PTPRZ1: variants seen among roughly 807,000 people sequenced by gnomAD.
PTPRZ1 encodes the protein protein tyrosine phosphatase receptor type Z1.
In PTPRZ1, 82 loss-of-function variants were observed where a neutral mutation model predicts 214.1. The observed-to-expected ratio is 0.38, with a 90% CI of 0.32 to 0.46. The LOEUF is 0.46. PTPRZ1 is among the 20% of genes least tolerant of loss of function. PTPRZ1 has a pLI of 1.00. For missense variants in PTPRZ1, 2,603 were observed against 2,748.7 expected (o/e 0.95, Z 1.19); for synonymous variants, 945 against 987.9 (o/e 0.96, Z 0.81).
In PTPRZ1 at chr7:122,011,032, A is replaced by G. The variant is rs768670668; in HGVS notation, c.1986A>G (p.Ala662=). 2.5e-6 allele frequency: 4 copies of G among 1,614,134 alleles called. No homozygotes were observed. Among genetic ancestry groups the G allele is most frequent in the Non-Finnish European group, 3.4e-6 (4 of 1,180,000 alleles). Residue 662 remains alanine, a synonymous_variant, in exon 12 of 30, where the codon GCA becomes GCG. Coordinates refer to ENST00000393386, the MANE Select transcript of PTPRZ1 (RefSeq NM_002851.3). ...TTCCTAGCTCTACAGACATAACAGC[A>G]CAGCCCGATGTTGGATCAGGCAGAG... ...VWFPSSTDIT[A]QPDVGSGRES...
chr7:122,005,346 A>T (rs1311962705), intron 11 of PTPRZ1, among the ~76,000 whole-genome samples: 2 of 151,946 alleles, frequency 1.3e-5, no homozygotes, highest in Non-Finnish European at 2.9e-5. Flanking sequence ...AACTGAAATT[A>T]TATATTCAGT....
At chr7:121,876,504 C>A (rs1332976530) in intron 1 of PTPRZ1, among the ~76,000 whole-genome samples, 2 of 152,126 alleles carry the variant, frequency 1.3e-5, no homozygotes, top group Non-Finnish European at 2.9e-5. Flanking sequence ...AAATTATACC[C>A]AACTCCTCTG....
intron 1 of PTPRZ1, among the ~76,000 whole-genome samples, chr7:121,900,399 T>TC (rs1348999759): frequency 1.3e-5 from 2 of 152,214 alleles, no homozygotes; most frequent in Non-Finnish European, 2.9e-5. Context: ...TTGATGTGCC[T>TC]CTTCTATTTA....
At chr7:122,000,650 T>TATTC (rs1798291024) in intron 10 of PTPRZ1, among the ~76,000 whole-genome samples, 1 of 5,000 alleles carries the variant, frequency 2.0e-4, no homozygotes, top group African/African-American at 6.1e-4. Flanking sequence ...AGATTTCATA[T>TATTC]ATATATATAT....
intron 2 of PTPRZ1, among the ~76,000 whole-genome samples, chr7:121,957,362 T>C (rs1796740246): frequency 6.6e-6 from 1 of 152,156 alleles, no homozygotes; most frequent in Non-Finnish European, 1.5e-5. Context: ...GGGTGTGGGA[T>C]GCAGCTGGGC....
rs1046897215 is a variant in PTPRZ1 at position 122,061,278 on chromosome 7, G to C, written c.*58G>C. ...CATTGTTTTCCTCTTCCTAAAATTAGGCAGGAAAATCAGTCTAGTTCTGTT... is the reference window on the plus strand; with the variant it reads ...CATTGTTTTCCTCTTCCTAAAATTACGCAGGAAAATCAGTCTAGTTCTGTT... On this transcript the variant is annotated 3_prime_UTR_variant, in exon 30 of 30. Transcript: ENST00000393386. 2.1e-6 allele frequency: 3 copies of C among 1,424,386 alleles called. No individual in the cohort carries two copies. The highest frequency in any genetic ancestry group is 2.8e-6 in the Non-Finnish European group (3 of 1,061,452). The allele number at this position is 1,424,386 out of a possible 1,614,324, so 88.2% of individuals were successfully genotyped here. A position where few individuals can be genotyped will look rare whatever the true frequency, so the allele number is the denominator to read the frequency against.
chr7:122,031,472 A>G lies in PTPRZ1; in HGVS notation c.5081-2A>G. 1 of 1,608,268 alleles carries G rather than the reference A, an allele frequency of 6.2e-7. No individual in the cohort carries two copies. Among genetic ancestry groups the G allele is most frequent in the Non-Finnish European group, 8.5e-7 (1 of 1,175,862 alleles). On this transcript the variant is annotated splice_acceptor_variant, in intron 14 of 29. Transcript: ENST00000393386. LOFTEE classifies it high-confidence loss of function. ...TCTAACACAATTTTTTTATTCACGT[A>G]GATGATGTCGGAGCAATTCCAATAA...
chr7:121,925,191 C>CT (rs900349048), intron 1 of PTPRZ1, among the ~76,000 whole-genome samples: 1 of 152,156 alleles, frequency 6.6e-6, no homozygotes, highest in African/African-American at 2.4e-5. Flanking sequence ...ATAAGAATTA[C>CT]TTTTTTCTAG....
chr7:122,013,432 C>G lies in PTPRZ1; in HGVS notation c.4386C>G (p.His1462Gln), dbSNP rs369161178. Residue 1462 changes from histidine (H) to glutamine (Q), a missense_variant, in exon 12 of 30, where the codon CAC becomes CAG. Transcript: ENST00000393386. ...AGGTAATGAATGATTCAGACACCCACGAAAACAGTCTTATGGATCAGAATA... is the reference window on the plus strand; with the variant it reads ...AGGTAATGAATGATTCAGACACCCAGGAAAACAGTCTTATGGATCAGAATA... ...QEKVMNDSDT[H>Q]ENSLMDQNNP... 4 of 1,614,120 alleles carry G rather than the reference C, an allele frequency of 2.5e-6. No individual in the cohort carries two copies. Among genetic ancestry groups the G allele is most frequent in the Non-Finnish European group, 2.5e-6 (3 of 1,180,010 alleles).
At chr7:121,901,064 T>G (rs1020855656) in intron 1 of PTPRZ1, among the ~76,000 whole-genome samples, 2 of 152,126 alleles carry the variant, frequency 1.3e-5, no homozygotes, top group South Asian at 4.2e-4. Flanking sequence ...AAAAAGAATT[T>G]TAGTAGTATA....
intron 18 of PTPRZ1, 34 bp from the exon 19 acceptor site, chr7:122,038,721 G>T: frequency 6.2e-7 from 1 of 1,604,948 alleles, no homozygotes; most frequent in Non-Finnish European, 8.5e-7. Context: ...ATATAAATCA[G>T]TTAGTAGGAA....
At position 121,986,595 on chromosome 7, in the gene PTPRZ1, G is replaced by A. The variant is rs79793000; in HGVS notation, c.928+2478G>A. On this transcript the variant is annotated intron_variant, in intron 8 of 29. Coordinates refer to ENST00000393386, the MANE Select transcript of PTPRZ1 (RefSeq NM_002851.3). ...TTCTTGAATGGAGCTTGTAGGAATCGATTTTATTCCCTTAGACTATGTGTG... is the reference window on the plus strand; with the variant it reads ...TTCTTGAATGGAGCTTGTAGGAATCAATTTTATTCCCTTAGACTATGTGTG... 7.1e-3 allele frequency among the ~76,000 whole-genome samples: 1,073 copies of A among 152,170 alleles called. 41 individuals are homozygous for A. In the East Asian group the frequency reaches 0.081, roughly 12 times the overall value.
rs1395137145 is a variant in PTPRZ1 at position 122,058,881 on chromosome 7, C to T, written c.6610C>T (p.Leu2204Phe). Residue 2204 changes from leucine (L) to phenylalanine (F), a missense_variant, in exon 28 of 30, where the codon CTT becomes TTT. By Grantham distance (22) the Leu-to-Phe change is conservative. Coordinates refer to ENST00000393386, the MANE Select transcript of PTPRZ1 (RefSeq NM_002851.3). ...TAGCCCCATTAGTAAAACTTTTGAA[C>T]TTATAAGTGTTATAAAAGAAGAAGC... Reference protein sequence around the residue: ...PDSPISKTFELISVIKEEAAN... With the variant: ...PDSPISKTFEFISVIKEEAAN... The T allele has an allele frequency of 6.3e-7, 1 of 1,593,064 alleles. No individual in the cohort carries two copies. Among genetic ancestry groups the T allele is most frequent in the African/African-American group, 1.3e-5 (1 of 74,494 alleles).
rs1052724637 is a variant in PTPRZ1, at chr7:122,012,458, A to G, written c.3412A>G (p.Thr1138Ala). The change falls in exon 12 of 30, where the codon ACT (threonine) becomes GCT (alanine). Residue 1138 changes from threonine to alanine, a missense_variant. This residue lies in a region of PTPRZ1 where 1,913 missense variants were observed against 1,914.3 expected (regional missense o/e 1.00). Transcript: ENST00000393386. ...TACTGTCTCTCAAGCATCTGGTGAC[A>G]CTTCGCTTAAACCTGTGCTTAGTGC... Reference protein sequence around the residue: ...THTVSQASGDTSLKPVLSANS... With the variant: ...THTVSQASGDASLKPVLSANS... 1 of 1,613,542 alleles carries G rather than the reference A, an allele frequency of 6.2e-7. No individual in the cohort carries two copies. Among genetic ancestry groups the G allele is most frequent in the African/African-American group, 1.3e-5 (1 of 74,916 alleles).
chr7:122,018,721 A>C lies in PTPRZ1; in HGVS notation c.4844-403A>C, dbSNP rs553711570. Among the ~76,000 whole-genome samples the C allele has an allele frequency of 1.1e-3, 163 of 152,282 alleles. 1 individual carries two copies. Among genetic ancestry groups the C allele is most frequent in the African/African-American group, 3.8e-3 (158 of 41,576 alleles). On this transcript the variant is annotated intron_variant, in intron 12 of 29. Coordinates refer to ENST00000393386, the MANE Select transcript of PTPRZ1 (RefSeq NM_002851.3). ...GCAGGGTTAAAAATAATCCTATTTA[A>C]ATTTATTTTAGAAAATTAATATATA...
At chr7:122,054,875 T>G in intron 26 of PTPRZ1, 66 bp from the exon 27 acceptor site, 2 of 1,431,178 alleles carry the variant, frequency 1.4e-6, no homozygotes, top group Non-Finnish European at 1.9e-6. Context: ...TTAACTTTAT[T>G]TCACAATCTG....
intron 29 of PTPRZ1, among the ~76,000 whole-genome samples, chr7:122,060,850 T>C (rs1430282192): frequency 6.6e-6 from 1 of 152,134 alleles, no homozygotes; most frequent in Non-Finnish European, 1.5e-5. Flanking sequence ...TATTGGCAAA[T>C]GTATGTAGGT....
rs1562876859 is a variant in PTPRZ1 at position 122,039,438 on chromosome 7, A to G, written c.5503-16A>G. ...CATTTGAAATACAGAAGTAACATCTACATTTTCTTTTGCAGAGAAAATGTG... is the reference window on the plus strand; with the variant it reads ...CATTTGAAATACAGAAGTAACATCTGCATTTTCTTTTGCAGAGAAAATGTG... On this transcript the variant is annotated splice_polypyrimidine_tract_variant and intron_variant, in intron 19 of 29. Transcript: ENST00000393386. 2 of 1,607,166 alleles carry G rather than the reference A, an allele frequency of 1.2e-6. No homozygotes were observed. Among genetic ancestry groups the G allele is most frequent in the Non-Finnish European group, 1.7e-6 (2 of 1,178,336 alleles).
Position 122,040,939 on chromosome 7 carries a change from G to A in PTPRZ1, c.5761G>A (p.Ala1921Thr). 6.3e-7 allele frequency: 1 copy of A among 1,596,620 alleles called. No homozygotes were observed. The highest frequency in any genetic ancestry group is 1.1e-5 in the South Asian group (1 of 89,780). ...VLTFVRKAAY[A>T]KRHAVGPVVV... ...GACCTTTGTGAGAAAGGCAGCCTAT[G>A]CCAAGCGCCATGCAGTGGGGCCTGT... The change falls in exon 21 of 30, where the codon GCC (alanine) becomes ACC (threonine). Residue 1921 changes from alanine to threonine, a missense_variant. Ala to Thr is a moderately conservative substitution (Grantham distance 58). Transcript: ENST00000393386.
Sources: allele counts gnomAD v4.1 joint callset (sites outside exome capture counted in the v4.1 genomes callset), GRCh38; gene constraint gnomAD v4.1.1; regional missense constraint gnomAD v4.1.1; transcripts MANE v1.5; gene names NCBI Gene and HGNC (gene_info 2026-07-23, HGNC 2026-07-21).